FARSB: variants seen among roughly 807,000 people sequenced by gnomAD.
FARSB encodes the protein phenylalanyl-tRNA synthetase subunit beta.
A neutral mutation model predicts 69.6 loss-of-function variants in FARSB; 40 were observed. That is an observed-to-expected ratio of 0.57 (90% CI 0.45 to 0.75). FARSB has a LOEUF of 0.75. FARSB is among the 30% of genes least tolerant of loss of function. FARSB has a pLI of 0.00. For missense variants in FARSB, 632 were observed against 722.9 expected (o/e 0.87, Z 1.44); for synonymous variants, 235 against 247.2 (o/e 0.95, Z 0.46).
chr2:222,645,218 G>GT (rs1027638047), intron 2 of FARSB, among the ~76,000 whole-genome samples: 3 of 152,194 alleles, frequency 2.0e-5, no homozygotes, highest in African/African-American at 7.2e-5. Flanking sequence ...GGACTATAGA[G>GT]TTCAGACAGG....
At chr2:222,613,684 G>T (rs1690915879) in intron 15 of FARSB, 127 bp downstream of exon 15, 1 of 570,854 alleles carries the variant, frequency 1.8e-6, no homozygotes, top group South Asian at 2.3e-5. Context: ...GGTAACTGTT[G>T]AAGGTGGGTG....
chr2:222,593,097 A>G (rs1690320241), intron 16 of FARSB, among the ~76,000 whole-genome samples: 1 of 152,072 alleles, frequency 6.6e-6, no homozygotes, highest in African/African-American at 2.4e-5. Context: ...TGGAATGTAT[A>G]CCCTGCAGAT....
chr2:222,631,094 T>C (rs1691411065), intron 8 of FARSB, among the ~76,000 whole-genome samples: 2 of 152,146 alleles, frequency 1.3e-5, no homozygotes, highest in Admixed American at 1.3e-4. Context: ...TGACTCAAAG[T>C]GGGTGAAGAA....
intron 10 of FARSB, among the ~76,000 whole-genome samples, chr2:222,625,108 G>C (rs1691235546): frequency 6.6e-6 from 1 of 152,160 alleles, no homozygotes; most frequent in Non-Finnish European, 1.5e-5. Flanking sequence ...TATAAATCCT[G>C]CTAAAGATTT....
At position 222,623,704 on chromosome 2, in the gene FARSB, A is replaced by G. The variant is rs765597737; in HGVS notation, c.1197T>C (p.Leu399=). The change falls in exon 13 of 17, where the codon CTT becomes CTC. Residue 399 remains leucine (L), a synonymous_variant. Transcript: ENST00000281828. ...CAGCGGCTGCCATGTCATGTCGGAG[A>G]AGTTCAGTGAGCTTATTAAGAGGAA... ...NQFPLNKLTE[L]LRHDMAAAGF... is the part of the protein sequence containing the mutation. 1 of 1,611,560 alleles carries G rather than the reference A, an allele frequency of 6.2e-7. No individual in the cohort carries two copies.
At chr2:222,593,983 G>C (rs1312046059) in intron 16 of FARSB, among the ~76,000 whole-genome samples, 1 of 151,324 alleles carries the variant, frequency 6.6e-6, no homozygotes, top group Non-Finnish European at 1.5e-5. Context: ...TTAGCTGGGC[G>C]TGGTGGCTCA....
rs201308581 is a variant in FARSB at position 222,642,812 on chromosome 2, C to T, written c.269+39G>A. On this transcript the variant is annotated intron_variant, in intron 3 of 16. Coordinates refer to ENST00000281828, the MANE Select transcript of FARSB (RefSeq NM_005687.5). ...ATAATGACAAGGAAAGAAAAGAAAA[C>T]CCAACTTAGCAAAGTCTTTAAGGAA... 7.7e-5 allele frequency: 115 copies of T among 1,487,708 alleles called. 1 individual carries two copies. In the African/African-American group the frequency reaches 1.3e-3, roughly 17 times the overall value. 92.2% of individuals were successfully genotyped at this position (1,487,708 alleles called of 1,614,324 possible).
At chr2:222,613,003 CATG>C (rs1470960467) in intron 15 of FARSB, among the ~76,000 whole-genome samples, 8 of 152,294 alleles carry the variant, frequency 5.3e-5, no homozygotes, top group African/African-American at 1.9e-4. Flanking sequence ...ACTAGAATGA[CATG>C]ATATCAAGTA....
intron 16 of FARSB, among the ~76,000 whole-genome samples, chr2:222,577,035 T>G (rs1361094896): frequency 6.6e-6 from 1 of 151,990 alleles, no homozygotes; most frequent in Non-Finnish European, 1.5e-5. Flanking sequence ...GGGAGAGAAC[T>G]CAAGGGGGAA....
intron 15 of FARSB, among the ~76,000 whole-genome samples, chr2:222,609,185 C>G (rs980166380): frequency 6.6e-6 from 1 of 152,180 alleles, no homozygotes; most frequent in African/African-American, 2.4e-5. Flanking sequence ...AAACTGCAAT[C>G]ACAGAAGTCA....
chr2:222,596,150 C>T (rs1690408439), intron 16 of FARSB, among the ~76,000 whole-genome samples: 2 of 152,120 alleles, frequency 1.3e-5, no homozygotes, highest in South Asian at 2.1e-4. Flanking sequence ...CAGGGGACCA[C>T]GGCTTTTCAC....
At chr2:222,607,012 A>G (rs1392818724) in intron 15 of FARSB, among the ~76,000 whole-genome samples, 3 of 152,212 alleles carry the variant, frequency 2.0e-5, no homozygotes, top group Non-Finnish European at 4.4e-5. Context: ...TGATTCTTCT[A>G]TTCCATCCAA....
At chr2:222,619,588 A>T (rs1025564309) in intron 14 of FARSB, 57 bp downstream of exon 14, 2 of 821,774 alleles carry the variant, frequency 2.4e-6, no homozygotes, top group African/African-American at 3.3e-5. Context: ...GACTTTTCCT[A>T]ACTCATGTAC....
chr2:222,628,756 G>T, intron 10 of FARSB, 81 bp downstream of exon 10: 2 of 950,518 alleles, frequency 2.1e-6, no homozygotes, highest in Non-Finnish European at 3.3e-6. Flanking sequence ...GGGATGGATA[G>T]ACAGACAGAA....
At chr2:222,581,276 A>AAT (rs1209792120) in intron 16 of FARSB, among the ~76,000 whole-genome samples, 3 of 152,106 alleles carry the variant, frequency 2.0e-5, no homozygotes, top group African/African-American at 7.2e-5. Context: ...GCAATGATGT[A>AAT]ATATATATAT....
chr2:222,572,100 C>T, intron 16 of FARSB, 78 bp from the exon 17 acceptor site: 1 of 1,220,452 alleles, frequency 8.2e-7, no homozygotes, highest in Non-Finnish European at 1.2e-6. Context: ...TAAAAGCCCA[C>T]TAGTCTACTT....
At chr2:222,649,546 A>G (rs1412220410) in intron 1 of FARSB, among the ~76,000 whole-genome samples, 3 of 152,190 alleles carry the variant, frequency 2.0e-5, no homozygotes, top group Non-Finnish European at 4.4e-5. Context: ...ATTCTATCCC[A>G]CTTATTAGAT....
chr2:222,654,934 C>T (rs1214032970), intron 1 of FARSB, among the ~76,000 whole-genome samples: 1 of 152,086 alleles, frequency 6.6e-6, no homozygotes, highest in Non-Finnish European at 1.5e-5. Flanking sequence ...CGCGGTGGCT[C>T]ACGCCTGTAA....
At chr2:222,641,519 C>T (rs1196435483) in intron 3 of FARSB, among the ~76,000 whole-genome samples, 1 of 152,206 alleles carries the variant, frequency 6.6e-6, no homozygotes, top group African/African-American at 2.4e-5. Flanking sequence ...TGTTAAACCA[C>T]AGATTCTGAT....
Sources: allele counts gnomAD v4.1 joint callset (sites outside exome capture counted in the v4.1 genomes callset), GRCh38; gene constraint gnomAD v4.1.1; transcripts MANE v1.5; gene names NCBI Gene and HGNC (gene_info 2026-07-23, HGNC 2026-07-21).